Variants in ZNF790 observed in about 807,000 individuals in gnomAD.
The protein encoded by ZNF790 is zinc finger protein 790.
Under a neutral mutation model 12.1 loss-of-function variants are expected in ZNF790, and 8 were observed. The observed-to-expected ratio is 0.66, with a 90% CI of 0.39 to 1.19. The LOEUF (loss-of-function observed/expected upper bound fraction) is 1.19. Among genes scored for constraint, ZNF790 ranks in the 50% most tolerant of loss-of-function variants. The pLI is 0.01. For missense variants in ZNF790, 707 were observed against 752.2 expected (o/e 0.94, Z 0.70); for synonymous variants, 252 against 244.3 (o/e 1.03, Z -0.29).
intron 4 of ZNF790, 83 bp from the exon 5 acceptor site, chr19:36,820,197 G>A (rs549687375): frequency 1.4e-6 from 2 of 1,415,040 alleles, no homozygotes; most frequent in African/African-American, 1.4e-5. Flanking sequence ...AGAAAATCTT[G>A]AAGTAAAGCA....
rs534697810 is a variant in ZNF790 at position 36,818,358 on chromosome 19, C to G, written c.*75G>C. On this transcript the variant is annotated 3_prime_UTR_variant, in exon 5 of 5. Transcript: ENST00000356725. ...CAATATTACTTACATTTGTGGTGTT[C>G]CTCAAGAGAAAAAAATAAATGACAT... 10 of 1,398,800 alleles carry G rather than the reference C, an allele frequency of 7.1e-6. No individual in the cohort carries two copies. The South Asian group carries it at 1.0e-4, about 14-fold the overall frequency. 86.6% of individuals were successfully genotyped at this position (1,398,800 alleles called of 1,614,324 possible). A position where few individuals can be genotyped will look rare whatever the true frequency, so the allele number is the denominator to read the frequency against.
upstream of ZNF790, among the ~76,000 whole-genome samples, chr19:36,840,028 A>C (rs1212852485): frequency 6.6e-6 from 1 of 152,150 alleles, no homozygotes; most frequent in Non-Finnish European, 1.5e-5. Context: ...ACACCACTGC[A>C]CTCCAGTCTG....
rs975361802 is a variant in ZNF790 at position 36,826,718 on chromosome 19, C to G, written c.-73-1026G>C. Among the ~76,000 whole-genome samples the G allele has an allele frequency of 2.0e-5, 3 of 150,002 alleles. 1 individual carries two copies. Among genetic ancestry groups the G allele is most frequent in the African/African-American group, 7.3e-5 (3 of 40,852 alleles). ...GAATCAGATAAATAAGTTGCAAGAC[C>G]TACTATCAAGGAATTCACAGTCAGA... On this transcript the variant is annotated intron_variant, in intron 1 of 4. Coordinates refer to ENST00000356725, the MANE Select transcript of ZNF790 (RefSeq NM_206894.4).
At chr19:36,840,024 C>T (rs1253343167), upstream of ZNF790, among the ~76,000 whole-genome samples, 1 of 152,144 alleles carries the variant, frequency 6.6e-6, no homozygotes, top group African/African-American at 2.4e-5. Context: ...GATCACACCA[C>T]TGCACTCCAG....
At position 36,823,992 on chromosome 19, in the gene ZNF790, C is replaced by CTTTTTTTTTTTT. The variant is rs779735213; in HGVS notation, c.10-214_10-203dup. Among the ~76,000 whole-genome samples the CTTTTTTTTTTTT allele has an allele frequency of 2.4e-4, 25 of 104,384 alleles. 1 individual carries two copies. The highest frequency in any genetic ancestry group is 1.0e-3 in the African/African-American group (24 of 23,558). The allele number at this position is 104,384 out of a possible 152,430, so 68.5% of individuals were successfully genotyped here. On this transcript the variant is annotated intron_variant, in intron 2 of 4. Coordinates refer to ENST00000356725, the MANE Select transcript of ZNF790 (RefSeq NM_206894.4). ...GACAAAAGCCAAGTGTCTACATGCT[C>CTTTTTTTTTTTT]TTTTTTTTTTTTTTTTTTTTTGAGA...
intron 1 of ZNF790, among the ~76,000 whole-genome samples, chr19:36,827,155 TATATATATATATATATATATATAC>T (rs1568338124): frequency 2.5e-5 from 2 of 81,404 alleles, no homozygotes; most frequent in African/African-American, 7.6e-5. Flanking sequence ...TATATATATA[TATATATATATATATATATATATAC>T]ACTTACCAAA....
rs772865322 is a variant in ZNF790, at chr19:36,818,658, A to G, written c.1686T>C (p.Tyr562=). The G allele has an allele frequency of 1.2e-6, 2 of 1,612,830 alleles. No individual in the cohort carries two copies. Among genetic ancestry groups the G allele is most frequent in the Non-Finnish European group, 1.7e-6 (2 of 1,179,550 alleles). The change falls in exon 5 of 5, where the codon TAT becomes TAC. Residue 562 remains tyrosine, a synonymous_variant. Coordinates refer to ENST00000356725, the MANE Select transcript of ZNF790 (RefSeq NM_206894.4). ...AGATGTGGCTACTTTTCTTGCATCCATAAGGTTCTGCATCAGTATGAATTT... is the reference window on the plus strand; with the variant it reads ...AGATGTGGCTACTTTTCTTGCATCCGTAAGGTTCTGCATCAGTATGAATTT... ...HKKIHTDAEP[Y]GCKKSSHIFS...
intron 1 of ZNF790, among the ~76,000 whole-genome samples, chr19:36,844,993 A>C (rs2072164839): frequency 8.0e-6 from 1 of 124,744 alleles, no homozygotes; most frequent in African/African-American, 3.0e-5. Flanking sequence ...GCTTGCAGTG[A>C]GCTGAGATCC....
chr19:36,822,889 C>G (rs889308819), intron 4 of ZNF790, among the ~76,000 whole-genome samples: 1 of 151,260 alleles, frequency 6.6e-6, no homozygotes, highest in African/African-American at 2.4e-5. Context: ...CTCACTCTGT[C>G]GACCAGACTG....
intron 1 of ZNF790, among the ~76,000 whole-genome samples, chr19:36,829,819 G>A (rs566191644): frequency 5.9e-5 from 9 of 152,104 alleles, no homozygotes; most frequent in Non-Finnish European, 1.2e-4. Flanking sequence ...CGCCCGCCTC[G>A]GCCTCCCAAA....
chr19:36,846,610 A>G (rs1421593738), intron 1 of ZNF790, among the ~76,000 whole-genome samples: 1 of 152,186 alleles, frequency 6.6e-6, no homozygotes, highest in Non-Finnish European at 1.5e-5. Context: ...AAGAAATACA[A>G]TGGTTGACAG....
upstream of ZNF790, among the ~76,000 whole-genome samples, chr19:36,838,633 C>T (rs535278015): frequency 1.3e-5 from 2 of 152,216 alleles, no homozygotes; most frequent in Non-Finnish European, 2.9e-5. This position sits in a 1 kb window ranked among gnomAD's most constrained non-coding sequence, Gnocchi z 4.4. Flanking sequence ...TGCAGGCTGC[C>T]CTACCTCTGC....
intron 4 of ZNF790, among the ~76,000 whole-genome samples, chr19:36,821,648 A>G (rs1461379962): frequency 1.3e-5 from 2 of 152,028 alleles, no homozygotes; most frequent in Non-Finnish European, 1.5e-5. Context: ...CAGTGGCGCA[A>G]TCTCAGCTCA....
intron 1 of ZNF790, among the ~76,000 whole-genome samples, 194 bp from the exon 2 acceptor site, chr19:36,825,886 T>A (rs2071785800): frequency 1.3e-5 from 2 of 152,186 alleles, no homozygotes; most frequent in African/African-American, 2.4e-5. Context: ...ATGATCTGGA[T>A]CAGGATACTA....
Position 36,818,392 on chromosome 19 carries a change from G to T in ZNF790, c.*41C>A, listed in dbSNP as rs552831213. On this transcript the variant is annotated 3_prime_UTR_variant, in exon 5 of 5. Transcript: ENST00000356725. ...AAAAAAATAAATGACATCAATTAAT[G>T]AGTCATGAATAAAGCCCTTCCTACA... 2 of 1,462,514 alleles carry T rather than the reference G, an allele frequency of 1.4e-6. No homozygotes were observed. Among genetic ancestry groups the T allele is most frequent in the African/African-American group, 2.8e-5 (2 of 71,198 alleles). 90.6% of individuals were successfully genotyped at this position (1,462,514 alleles called of 1,614,324 possible).
intron 1 of ZNF790, among the ~76,000 whole-genome samples, chr19:36,827,397 T>C (rs926767305): frequency 2.0e-5 from 3 of 151,830 alleles, no homozygotes; most frequent in African/African-American, 7.3e-5. Context: ...AACAAGTTGT[T>C]TGGCATGAGG....
At position 36,819,580 on chromosome 19, in the gene ZNF790, T is replaced by G. The variant is rs148250106; in HGVS notation, c.764A>C (p.Lys255Thr). The G allele has an allele frequency of 1.2e-6, 2 of 1,610,728 alleles. No homozygotes were observed. The highest frequency in any genetic ancestry group is 1.7e-6 in the Non-Finnish European group (2 of 1,178,264). The change falls in exon 5 of 5, where the codon AAA becomes ACA. Residue 255 changes from lysine to threonine, a missense_variant. Transcript: ENST00000356725. The stretch of plus-strand genomic sequence containing the variant: ...AAAGGCTTTCCCACAATCCTTACAT[T>G]TAAAAGGTTTCTCACCGGTATGAAT... The part of the protein sequence containing the change: ...KRIHTGEKPF[K>T]CKDCGKAFRF...
chr19:36,829,169 ACAATT>A, intron 1 of ZNF790, among the ~76,000 whole-genome samples: 1 of 152,204 alleles, frequency 6.6e-6, no homozygotes, highest in Non-Finnish European at 1.5e-5. Flanking sequence ...TTTACAGTGA[ACAATT>A]CAATGGTTCT....
chr19:36,848,318 A>C (rs140336579), intron 1 of ZNF790, among the ~76,000 whole-genome samples: 23 of 152,360 alleles, frequency 1.5e-4, no homozygotes, highest in African/African-American at 5.5e-4. Context: ...GGTTGAACTC[A>C]TCACCAATCG....
Sources: gnomAD v4.1 joint callset for allele counts (sites outside exome capture counted in the v4.1 genomes callset) on GRCh38, gnomAD v4.1.1 for gene constraint, Gnocchi (gnomAD v3.1) non-coding constraint, MANE v1.5 for transcripts, NCBI Gene and HGNC (gene_info 2026-07-23, HGNC 2026-07-21) for gene names.